Variants in SIM1 observed in about 807,000 individuals in gnomAD.
SIM1 encodes the protein SIM bHLH transcription factor 1.
In SIM1, 18 loss-of-function variants were observed where a neutral mutation model predicts 78.2. The observed-to-expected ratio is 0.23, with a 90% CI of 0.16 to 0.34. SIM1 has a LOEUF of 0.34. Ranked by LOEUF, SIM1 falls within the 10% of genes least tolerant of loss-of-function variation. The pLI, the probability that SIM1 is intolerant of heterozygous loss-of-function variation, is 1.00. For missense variants in SIM1, 939 were observed against 975.1 expected (o/e 0.96, Z 0.49); for synonymous variants, 417 against 385.2 (o/e 1.08, Z -0.97).
At chr6:100,427,644 G>A (rs1771769321) in intron 9 of SIM1, among the ~76,000 whole-genome samples, 1 of 152,202 alleles carries the variant, frequency 6.6e-6, no homozygotes, top group South Asian at 2.1e-4. Flanking sequence ...CAGAGATTGT[G>A]TAATACCTTC....
intron 10 of SIM1, among the ~76,000 whole-genome samples, chr6:100,412,000 CG>C (rs576627732): frequency 1.5e-3 from 226 of 152,076 alleles, no homozygotes; most frequent in African/African-American, 4.8e-3. Flanking sequence ...AGAGAGAATG[CG>C]GGGAAGGTTA....
intron 3 of SIM1, among the ~76,000 whole-genome samples, chr6:100,452,280 T>C (rs1772531611): frequency 6.6e-6 from 1 of 152,224 alleles, no homozygotes; most frequent in African/African-American, 2.4e-5. Context: ...CTCCTCCTTA[T>C]TTTTCTCCAT....
intron 10 of SIM1, among the ~76,000 whole-genome samples, chr6:100,404,504 T>C (rs905374968): frequency 6.6e-6 from 1 of 152,244 alleles, no homozygotes; most frequent in African/African-American, 2.4e-5. Flanking sequence ...GCAGACTGCA[T>C]TGTACTAAGA....
intron 9 of SIM1, 61 bp from the exon 10 acceptor site, chr6:100,421,019 T>G (rs887257825): frequency 6.5e-7 from 1 of 1,530,272 alleles, no homozygotes; most frequent in African/African-American, 1.4e-5. Context: ...TCATGCATAC[T>G]CTCATCAGGA....
At position 100,390,774 on chromosome 6, in the gene SIM1, A is replaced by G. The variant is rs1244598389; in HGVS notation, c.1888T>C (p.Cys630Arg). The G allele has an allele frequency of 3.7e-6, 6 of 1,614,024 alleles. No homozygotes were observed. The African/African-American group carries it at 4.0e-5, about 11-fold the overall frequency. ...HGSALANTSP[C>R]DHIQQREGKM... ...CCCTCTCTCTGCTGGATATGGTCAC[A>G]TGGTGAAGTGTTGGCAAGAGCAGAG... The change falls in exon 12 of 12, where the codon TGT becomes CGT. Residue 630 changes from cysteine (C) to arginine (R), a missense_variant. By Grantham distance (180) the Cys-to-Arg change is radical (BLOSUM62 -3). Around this residue, in one of 5 missense-constraint regions of SIM1, gnomAD observed 556 missense variants for 521.9 expected, o/e 1.07. Coordinates refer to ENST00000369208, the MANE Select transcript of SIM1 (RefSeq NM_005068.3).
At chr6:100,392,244 A>G (rs192240009) in intron 11 of SIM1, among the ~76,000 whole-genome samples, 1 of 152,182 alleles carries the variant, frequency 6.6e-6, no homozygotes, top group Admixed American at 6.5e-5. Context: ...AAAGAGATAA[A>G]ATATGGAGGA....
intron 9 of SIM1, among the ~76,000 whole-genome samples, chr6:100,435,198 G>A (rs562430808): frequency 1.3e-5 from 2 of 152,222 alleles, no homozygotes; most frequent in South Asian, 4.1e-4. Flanking sequence ...TTAAAAAAGA[G>A]AGTAAACTGT....
chr6:100,454,317 G>A (rs1169958462), intron 2 of SIM1, among the ~76,000 whole-genome samples: 2 of 152,204 alleles, frequency 1.3e-5, no homozygotes, highest in African/African-American at 4.8e-5. Flanking sequence ...ACCGGTCCTT[G>A]GCGGGCTTTC....
chr6:100,414,598 C>G lies in SIM1; in HGVS notation c.1167+6192G>C, dbSNP rs1360421818. 2.0e-5 allele frequency among the ~76,000 whole-genome samples: 3 copies of G among 152,096 alleles called. No individual in the cohort carries two copies. The East Asian group carries it at 5.8e-4, about 29-fold the overall frequency. On this transcript the variant is annotated intron_variant, in intron 10 of 11. Coordinates refer to ENST00000369208, the MANE Select transcript of SIM1 (RefSeq NM_005068.3). ...ATAAACCTATCTAATATAAGACTTT[C>G]TAGGAAGATAACCTAAATTTTTCTG...
intron 3 of SIM1, among the ~76,000 whole-genome samples, chr6:100,450,651 A>AAC (rs924775654): frequency 2.2e-5 from 3 of 134,264 alleles, no homozygotes; most frequent in Admixed American, 7.6e-5. Flanking sequence ...ACATCCATAA[A>AAC]ACACACACAC....
At chr6:100,421,401 T>G (rs1230603947) in intron 9 of SIM1, among the ~76,000 whole-genome samples, 1 of 152,178 alleles carries the variant, frequency 6.6e-6, no homozygotes, top group Non-Finnish European at 1.5e-5. Flanking sequence ...GCTAACTAGT[T>G]TAAGCAGGAT....
chr6:100,444,276 AC>A (rs1772297022), intron 9 of SIM1, among the ~76,000 whole-genome samples: 1 of 152,134 alleles, frequency 6.6e-6, no homozygotes, highest in Non-Finnish European at 1.5e-5. Flanking sequence ...GTTACTAGAC[AC>A]TAGTTCCATT....
intron 10 of SIM1, among the ~76,000 whole-genome samples, chr6:100,400,549 A>C (rs933434712): frequency 6.6e-6 from 1 of 152,154 alleles, no homozygotes; most frequent in Non-Finnish European, 1.5e-5. Flanking sequence ...TGGAGGTAAA[A>C]ACTGCATATC....
Position 100,393,726 on chromosome 6 carries a change from G to T in SIM1, c.1331C>A (p.Ser444Tyr). The change falls in exon 11 of 12, where the codon TCT (serine) becomes TAT (tyrosine). Residue 444 changes from serine to tyrosine, a missense_variant. Transcript: ENST00000369208. Reference protein sequence around the residue: ...CAYRQFSDRSSLCYGFALDHS... With the variant: ...CAYRQFSDRSYLCYGFALDHS... ...GTCAAGCGCAAAGCCATAGCAGAGA[G>T]AGCTGCGGTCCGAAAACTGTCTGTA... 1 of 1,614,236 alleles carries T rather than the reference G, an allele frequency of 6.2e-7. No homozygotes were observed. The highest frequency in any genetic ancestry group is 2.2e-5 in the East Asian group (1 of 44,886).
At chr6:100,413,772 T>C (rs903127926) in intron 10 of SIM1, among the ~76,000 whole-genome samples, 1 of 152,242 alleles carries the variant, frequency 6.6e-6, no homozygotes, top group South Asian at 2.1e-4. Context: ...ATCTATTTTA[T>C]ACTGTTGTGC....
At chr6:100,458,740 C>T (rs906514114) in intron 2 of SIM1, among the ~76,000 whole-genome samples, 15 of 152,216 alleles carry the variant, frequency 9.9e-5, no homozygotes, top group African/African-American at 3.6e-4. Flanking sequence ...ATGATTGTCC[C>T]CTGTCGGCCC....
intron 2 of SIM1, among the ~76,000 whole-genome samples, chr6:100,458,020 CT>C (rs1772725244): frequency 1.5e-4 from 3 of 20,466 alleles, no homozygotes; most frequent in Non-Finnish European, 2.4e-4. Flanking sequence ...CTCTCTCTCT[CT>C]CTCTCTCTCT....
At chr6:100,433,828 G>T (rs1271509907) in intron 9 of SIM1, among the ~76,000 whole-genome samples, 1 of 150,216 alleles carries the variant, frequency 6.7e-6, no homozygotes, top group Admixed American at 6.7e-5. Flanking sequence ...TGAGGGTAGG[G>T]ACTTTGTCTC....
intron 6 of SIM1, 38 bp from the exon 7 acceptor site, chr6:100,448,716 G>A (rs1172451647): frequency 6.3e-7 from 1 of 1,575,486 alleles, no homozygotes; most frequent in Non-Finnish European, 8.6e-7. Context: ...TCAGCCACAG[G>A]TAGGAAGAGC....
Sources: allele counts gnomAD v4.1 joint callset (sites outside exome capture counted in the v4.1 genomes callset), GRCh38; gene constraint gnomAD v4.1.1; regional missense constraint gnomAD v4.1.1; transcripts MANE v1.5; gene names NCBI Gene and HGNC (gene_info 2026-07-23, HGNC 2026-07-21).